Variants in KLF12 observed in about 807,000 individuals in gnomAD.
KLF12 encodes the protein KLF transcription factor 12, also known as Krueppel-like factor 12.
In KLF12, 9 loss-of-function variants were observed where a neutral mutation model predicts 37.8. That is an observed-to-expected ratio of 0.24 (90% CI 0.14 to 0.42). The LOEUF (loss-of-function observed/expected upper bound fraction) is 0.42. KLF12 is among the 10% of genes least tolerant of loss of function. KLF12 has a pLI of 1.00. For missense variants in KLF12, 411 were observed against 516.0 expected, an observed-to-expected ratio of 0.80 and a Z score of 1.97; for synonymous variants, 208 against 202.1, an observed-to-expected ratio of 1.03 and a Z score of -0.25.
chr13:74,020,784 G>A (rs566248257), intron 1 of KLF12, among the ~76,000 whole-genome samples: 59 of 152,030 alleles, frequency 3.9e-4, no homozygotes, highest in Non-Finnish European at 6.8e-4. Flanking sequence ...CCAGCTACTC[G>A]GGAGGCTGAG....
the KLF12 span, among the ~76,000 whole-genome samples, chr13:74,217,325 T>TA: frequency 6.7e-6 from 1 of 149,992 alleles, no homozygotes; most frequent in Non-Finnish European, 1.5e-5. Flanking sequence ...TTTTTTTTTT[T>TA]ATAAAGAAAT....
At chr13:74,023,091 A>T (rs1490222968) in intron 1 of KLF12, among the ~76,000 whole-genome samples, 1 of 152,168 alleles carries the variant, frequency 6.6e-6, no homozygotes, top group Non-Finnish European at 1.5e-5. Context: ...ATATTCCAAG[A>T]TTCCCTTGGG....
At chr13:74,161,873 G>A in the KLF12 span, among the ~76,000 whole-genome samples, 2 of 152,204 alleles carry the variant, frequency 1.3e-5, no homozygotes, top group Admixed American at 1.3e-4. Context: ...TCAGGGGTCA[G>A]GGGGAATCAT....
intron 6 of KLF12, among the ~76,000 whole-genome samples, chr13:73,748,413 G>C (rs1175531700): frequency 6.6e-6 from 1 of 152,170 alleles, no homozygotes; most frequent in African/African-American, 2.4e-5. Context: ...ATCTGGAGAT[G>C]GGGCCTTTGG....
the KLF12 span, among the ~76,000 whole-genome samples, chr13:74,242,220 C>T: frequency 6.6e-6 from 1 of 152,160 alleles, no homozygotes; most frequent in Admixed American, 6.5e-5. Context: ...TTTACATGTC[C>T]CTGAATTTTC....
At chr13:73,791,280 A>G (rs2138269008) in intron 5 of KLF12, among the ~76,000 whole-genome samples, 2 of 152,316 alleles carry the variant, frequency 1.3e-5, no homozygotes, top group South Asian at 2.1e-4. Flanking sequence ...GCTACAATTT[A>G]TTGCTACATT....
At chr13:73,821,677 T>A (rs1345954047) in intron 4 of KLF12, among the ~76,000 whole-genome samples, 1 of 152,140 alleles carries the variant, frequency 6.6e-6, no homozygotes, top group African/African-American at 2.4e-5. Context: ...ATCCTTGACT[T>A]TTTCCCACTG....
chr13:74,140,565 T>C, the KLF12 span, among the ~76,000 whole-genome samples: 1 of 152,178 alleles, frequency 6.6e-6, no homozygotes, highest in Non-Finnish European at 1.5e-5. Flanking sequence ...CTTGCTAGTA[T>C]TGGGTGGTGC....
At chr13:73,866,866 T>C (rs1236086315) in intron 3 of KLF12, among the ~76,000 whole-genome samples, 2 of 146,968 alleles carry the variant, frequency 1.4e-5, no homozygotes, top group Non-Finnish European at 3.0e-5. Context: ...TATTTTGAGG[T>C]TTAAAATGTG....
At chr13:74,064,398 C>T (rs1249051863) in intron 1 of KLF12, among the ~76,000 whole-genome samples, 4 of 49,428 alleles carry the variant, frequency 8.1e-5, no homozygotes, top group Admixed American at 3.0e-4. Flanking sequence ...GGATTTCACT[C>T]ACTCAATATT....
the KLF12 span, among the ~76,000 whole-genome samples, chr13:74,301,255 A>T: frequency 6.6e-6 from 1 of 152,178 alleles, no homozygotes; most frequent in Non-Finnish European, 1.5e-5. Context: ...TGCAGTTAAC[A>T]ATGTGAACCC....
chr13:74,010,782 A>G (rs1475480671), intron 1 of KLF12, among the ~76,000 whole-genome samples: 2 of 152,232 alleles, frequency 1.3e-5, no homozygotes, highest in Non-Finnish European at 2.9e-5. Flanking sequence ...AAGAAAGCAG[A>G]AATTTAGTTA....
intron 7 of KLF12, among the ~76,000 whole-genome samples, chr13:73,706,820 TACACAGC>T (rs1418422250): frequency 6.6e-6 from 1 of 152,226 alleles, no homozygotes; most frequent in Non-Finnish European, 1.5e-5. Context: ...TCTTCATTTG[TACACAGC>T]ACCCATTACA....
intron 4 of KLF12, chr13:73,844,853 T>A (rs2138678660): frequency 6.6e-6 from 1 of 152,264 alleles, no homozygotes; most frequent in African/African-American, 2.4e-5. Context: ...TCTTAATCCA[T>A]CATTATTTCT....
chr13:73,906,832 C>CTA (rs775920421), intron 3 of KLF12, among the ~76,000 whole-genome samples: 8 of 152,172 alleles, frequency 5.3e-5, no homozygotes, highest in Non-Finnish European at 8.8e-5. Flanking sequence ...AGTCAGGGTG[C>CTA]TACTGACTTG....
chr13:74,091,339 A>T (rs1402103917), intron 1 of KLF12, among the ~76,000 whole-genome samples: 1 of 152,234 alleles, frequency 6.6e-6, no homozygotes, highest in Non-Finnish European at 1.5e-5. Flanking sequence ...TGACACCAAA[A>T]CCACAAGTAA....
Position 73,846,304 on chromosome 13 carries a change from G to C in KLF12, c.193C>G (p.Pro65Ala), listed in dbSNP as rs1292336168. ...TCTACAGATAACGAGTCCTCCGGGG[G>C]CTCCCCTTTCACATTATTTAGCAAC... Residue 65 changes from proline to alanine, a missense_variant, in exon 4 of 8, where the codon CCC (proline) becomes GCC (alanine). By Grantham distance (27) the Pro-to-Ala change is conservative. This residue lies in a region of KLF12 where 351 missense variants were observed against 397.8 expected (regional missense o/e 0.88). Transcript: ENST00000377669. The C allele has an allele frequency of 6.2e-7, 1 of 1,613,810 alleles. No homozygotes were observed. Among genetic ancestry groups the C allele is most frequent in the Non-Finnish European group, 8.5e-7 (1 of 1,179,918 alleles).
intron 2 of KLF12, among the ~76,000 whole-genome samples, chr13:73,970,025 C>G (rs17061811): frequency 0.049 from 7,430 of 152,158 alleles, 389 homozygotes; most frequent in African/African-American, 0.13. Flanking sequence ...CTTGTTGTTT[C>G]ACCTCCTCAT....
At chr13:73,699,211 T>TA (rs1274565544) in intron 7 of KLF12, among the ~76,000 whole-genome samples, 123 of 44,576 alleles carry the variant, frequency 2.8e-3, no homozygotes, top group African/African-American at 4.4e-3. Flanking sequence ...CTGCAATCTC[T>TA]AAAAAAAAAT....
Sources: allele counts gnomAD v4.1 joint callset (sites outside exome capture counted in the v4.1 genomes callset), GRCh38; gene constraint gnomAD v4.1.1; regional missense constraint gnomAD v4.1.1; transcripts MANE v1.5; gene names NCBI Gene and HGNC (gene_info 2026-07-23, HGNC 2026-07-21).